The following SAXO1 variants were observed in gnomAD, a reference collection of about 807,000 sequenced individuals.
SAXO1 encodes stabilizer of axonemal microtubules 1.
SAXO1 carries 21 observed loss-of-function variants against 17.5 expected under a neutral mutation model. That is an observed-to-expected ratio of 1.20 (90% CI 0.85 to 1.72). SAXO1 has a LOEUF of 1.72. Among genes scored for constraint, SAXO1 ranks in the 40% most tolerant of loss-of-function variants. SAXO1 has a pLI of 0.00. For missense variants in SAXO1, 843 were observed against 596.0 expected, an observed-to-expected ratio of 1.41 and a Z score of -4.32; for synonymous variants, 274 against 216.5, an observed-to-expected ratio of 1.27 and a Z score of -2.33.
intron 1 of SAXO1, among the ~76,000 whole-genome samples, chr9:19,010,691 G>T (rs150606653): frequency 2.0e-5 from 3 of 152,040 alleles, no homozygotes; most frequent in Admixed American, 2.0e-4. Flanking sequence ...TTAAAAACGG[G>T]TTAAAAAAGA....
upstream of SAXO1, among the ~76,000 whole-genome samples, chr9:19,033,488 A>C (rs1835854266): frequency 6.6e-6 from 1 of 152,242 alleles, no homozygotes; most frequent in Admixed American, 6.5e-5. Context: ...GGCATTTGCT[A>C]TCTCTAGGAT....
chr9:18,970,711 T>C (rs1360546954), intron 1 of SAXO1, among the ~76,000 whole-genome samples: 3 of 152,296 alleles, frequency 2.0e-5, no homozygotes, highest in East Asian at 1.9e-4. Context: ...GCATTTCATC[T>C]CCTTCAAGAG....
Position 18,927,936 on chromosome 9 carries a change from G to T in SAXO1, c.*116C>A. ...ATTCAAGTGCTCTGGAAGTGGTGAA[G>T]GTTTTTTGTTTTTTGTTTTTTGTCA... On this transcript the variant is annotated 3_prime_UTR_variant, in exon 4 of 4. Transcript: ENST00000380534. 8.3e-7 allele frequency: 1 copy of T among 1,199,108 alleles called. No homozygotes were observed. The highest frequency in any genetic ancestry group is 2.4e-5 in the East Asian group (1 of 41,950). The allele number at this position is 1,199,108 out of a possible 1,614,324, so 74.3% of individuals were successfully genotyped here.
chr9:18,992,238 G>T (rs1179368425), intron 1 of SAXO1, among the ~76,000 whole-genome samples: 1 of 152,186 alleles, frequency 6.6e-6, no homozygotes. Flanking sequence ...CTAGGGGCTA[G>T]AAGTCAAAAA....
At chr9:18,962,425 G>GT (rs1832525978) in intron 1 of SAXO1, among the ~76,000 whole-genome samples, 1 of 152,146 alleles carries the variant, frequency 6.6e-6, no homozygotes, top group African/African-American at 2.4e-5. Context: ...TCATATGTTT[G>GT]TTTGGCCGCA....
At chr9:18,968,586 G>C (rs1563951352) in intron 1 of SAXO1, among the ~76,000 whole-genome samples, 1 of 117,240 alleles carries the variant, frequency 8.5e-6, no homozygotes, top group East Asian at 2.2e-4. Flanking sequence ...TTAAGAAAAT[G>C]TCCCCCTTTT....
At chr9:18,934,687 CT>C (rs1831212643) in intron 3 of SAXO1, among the ~76,000 whole-genome samples, 1 of 152,178 alleles carries the variant, frequency 6.6e-6, no homozygotes, top group Non-Finnish European at 1.5e-5. Flanking sequence ...CTGTTGACTG[CT>C]TTTTCCCCCA....
At chr9:18,965,870 C>T (rs887681145) in intron 1 of SAXO1, among the ~76,000 whole-genome samples, 8 of 152,206 alleles carry the variant, frequency 5.3e-5, no homozygotes, top group Admixed American at 2.0e-4. Flanking sequence ...TATGTTTTTG[C>T]GTGGCTGGTA....
chr9:18,975,794 G>C (rs920436922), intron 1 of SAXO1, among the ~76,000 whole-genome samples: 1 of 152,094 alleles, frequency 6.6e-6, no homozygotes, highest in Non-Finnish European at 1.5e-5. Context: ...AACATTCTTC[G>C]ACCAAGAAAA....
At chr9:18,996,875 A>C (rs1834027665) in intron 1 of SAXO1, among the ~76,000 whole-genome samples, 1 of 152,194 alleles carries the variant, frequency 6.6e-6, no homozygotes, top group African/African-American at 2.4e-5. Context: ...AGTAAAAGGC[A>C]TCCAATTGGA....
intron 2 of SAXO1, among the ~76,000 whole-genome samples, chr9:18,943,994 A>G (rs1242120594): frequency 6.6e-6 from 1 of 152,196 alleles, no homozygotes; most frequent in African/African-American, 2.4e-5. Flanking sequence ...AAACTAAAGC[A>G]CGCTTATTGC....
At chr9:18,951,790 C>T (rs905210993) in intron 1 of SAXO1, among the ~76,000 whole-genome samples, 11 of 152,180 alleles carry the variant, frequency 7.2e-5, no homozygotes, top group Admixed American at 2.6e-4. Context: ...CTACACTGTA[C>T]GTGTACACTG....
At chr9:19,011,849 A>ATTT (rs1211848537) in intron 1 of SAXO1, among the ~76,000 whole-genome samples, 2 of 144,774 alleles carry the variant, frequency 1.4e-5, no homozygotes, top group East Asian at 2.0e-4. Flanking sequence ...TTAAGCATAG[A>ATTT]TTTTTTTTTT....
At chr9:19,030,614 G>A (rs765896702) in intron 1 of SAXO1, among the ~76,000 whole-genome samples, 1 of 152,106 alleles carries the variant, frequency 6.6e-6, no homozygotes, top group Non-Finnish European at 1.5e-5. Context: ...GCTGGGGCAG[G>A]AGAATCGTTT....
intron 1 of SAXO1, among the ~76,000 whole-genome samples, chr9:19,043,953 T>A (rs1452550278): frequency 6.6e-6 from 1 of 152,114 alleles, no homozygotes; most frequent in Non-Finnish European, 1.5e-5. Flanking sequence ...GAGACCAGTC[T>A]GGCCAACATG....
At chr9:18,985,881 G>C (rs2131830227) in intron 1 of SAXO1, among the ~76,000 whole-genome samples, 1 of 152,324 alleles carries the variant, frequency 6.6e-6, no homozygotes, top group African/African-American at 2.4e-5. Flanking sequence ...AATTTGGCAG[G>C]TATGTCTAAC....
At chr9:18,948,013 A>C (rs890665934) in intron 2 of SAXO1, among the ~76,000 whole-genome samples, 2 of 152,228 alleles carry the variant, frequency 1.3e-5, no homozygotes, top group Non-Finnish European at 2.9e-5. Flanking sequence ...AAGCAGGGTC[A>C]CTGTTTAGAT....
chr9:19,023,220 A>G (rs1342865212), intron 1 of SAXO1, among the ~76,000 whole-genome samples: 1 of 139,806 alleles, frequency 7.2e-6, no homozygotes, highest in Non-Finnish European at 1.5e-5. Context: ...AAACAATCCT[A>G]ACTCTCTTCT....
At chr9:18,973,159 A>G (rs1400588291) in intron 1 of SAXO1, among the ~76,000 whole-genome samples, 4 of 152,250 alleles carry the variant, frequency 2.6e-5, no homozygotes, top group African/African-American at 7.2e-5. Flanking sequence ...AAATGAGTCA[A>G]CAAAAATAAC....
Sources: allele counts gnomAD v4.1 joint callset (sites outside exome capture counted in the v4.1 genomes callset), GRCh38; gene constraint gnomAD v4.1.1; transcripts MANE v1.5; gene names NCBI Gene and HGNC (gene_info 2026-07-23, HGNC 2026-07-21).